Variants in ARL15 observed in about 807,000 individuals in gnomAD.
The protein encoded by ARL15 is ADP-ribosylation factor-like protein 15.
ARL15 carries 19 observed loss-of-function variants against 25.2 expected under a neutral mutation model. That is an observed-to-expected ratio of 0.75 (90% CI 0.53 to 1.10). The LOEUF (loss-of-function observed/expected upper bound fraction) is 1.10. Among genes scored for constraint, ARL15 ranks in the 50% least tolerant of loss-of-function variants. The probability of loss-of-function intolerance (pLI) is 0.00; values close to 1 mark genes in which losing one functional copy is unlikely to be tolerated. For synonymous variants in ARL15, 94 were observed against 86.8 expected (o/e 1.08, Z -0.46); for missense variants, 220 against 246.0 (o/e 0.89, Z 0.71).
chr5:54,001,920 C>G (rs752501667), intron 4 of ARL15, among the ~76,000 whole-genome samples: 20 of 152,170 alleles, frequency 1.3e-4, no homozygotes, highest in Non-Finnish European at 2.2e-4. Context: ...CCATTTTAGG[C>G]TCTTTATAAT....
intron 4 of ARL15, among the ~76,000 whole-genome samples, chr5:54,023,260 T>A (rs1312193562): frequency 6.6e-6 from 1 of 150,986 alleles, no homozygotes; most frequent in Non-Finnish European, 1.5e-5. Flanking sequence ...GGATGTACAG[T>A]GTAATACCTA....
At chr5:53,942,341 T>C (rs1746563190) in intron 4 of ARL15, among the ~76,000 whole-genome samples, 1 of 152,092 alleles carries the variant, frequency 6.6e-6, no homozygotes, top group African/African-American at 2.4e-5. Flanking sequence ...GACATACCAG[T>C]GGCACTAGAA....
intron 4 of ARL15, among the ~76,000 whole-genome samples, chr5:53,950,816 T>C (rs1398002983): frequency 6.6e-6 from 1 of 152,206 alleles, no homozygotes; most frequent in Non-Finnish European, 1.5e-5. Context: ...TGCTCTAAGG[T>C]ATTTCTTGAA....
At position 54,082,483 on chromosome 5, in the gene ARL15, T is replaced by C. The variant is rs186276758; in HGVS notation, c.462+30719A>G. ...TGTGTGTATAGACAGATACTCACAT[T>C]TGGAAGGAAAAAATCCTGGTAACAT... On this transcript the variant is annotated intron_variant, in intron 4 of 4. Transcript: ENST00000504924. Among the ~76,000 whole-genome samples the C allele has an allele frequency of 3.9e-5, 6 of 152,298 alleles. No individual in the cohort carries two copies. In the East Asian group the frequency reaches 1.2e-3, roughly 29 times the overall value.
At chr5:54,141,090 G>A (rs1380449197) in intron 3 of ARL15, among the ~76,000 whole-genome samples, 1 of 152,042 alleles carries the variant, frequency 6.6e-6, no homozygotes, top group East Asian at 1.9e-4. Context: ...ACTACGGCAT[G>A]AACCACAACT....
intron 4 of ARL15, among the ~76,000 whole-genome samples, chr5:54,054,983 G>T (rs1246826725): frequency 6.6e-6 from 1 of 151,920 alleles, no homozygotes; most frequent in Non-Finnish European, 1.5e-5. Context: ...TTTTTAAAAA[G>T]GCATGTTGTG....
chr5:54,282,593 C>T, intron 1 of ARL15: 1 of 974,780 alleles, frequency 1.0e-6, no homozygotes, highest in Non-Finnish European at 1.2e-6. Flanking sequence ...AGGAGTGTAA[C>T]TTATTGTAAT....
chr5:53,978,002 A>G, intron 4 of ARL15, among the ~76,000 whole-genome samples: 1 of 152,228 alleles, frequency 6.6e-6, no homozygotes, highest in East Asian at 1.9e-4. Flanking sequence ...CATTAGCACA[A>G]AACCATCTAA....
intron 3 of ARL15, among the ~76,000 whole-genome samples, chr5:54,143,013 A>G (rs1753813939): frequency 6.6e-6 from 1 of 152,230 alleles, no homozygotes; most frequent in Non-Finnish European, 1.5e-5. Flanking sequence ...TTTACTGGAT[A>G]TTAACCAGAA....
At chr5:54,071,813 A>T (rs927695471) in intron 4 of ARL15, among the ~76,000 whole-genome samples, 3 of 151,746 alleles carry the variant, frequency 2.0e-5, no homozygotes, top group Non-Finnish European at 2.9e-5. Context: ...CTACTAAAAG[A>T]TACAAAAAAA....
chr5:54,245,430 A>G (rs995212259), intron 1 of ARL15, among the ~76,000 whole-genome samples: 1 of 152,184 alleles, frequency 6.6e-6, no homozygotes, highest in African/African-American at 2.4e-5. Context: ...CTCTTAAAAG[A>G]GACAATCTGA....
At chr5:53,940,528 A>G (rs1561158327) in intron 4 of ARL15, among the ~76,000 whole-genome samples, 2 of 152,216 alleles carry the variant, frequency 1.3e-5, no homozygotes, top group Non-Finnish European at 2.9e-5. Context: ...TTTTTCCTCA[A>G]TATAACATGG....
At chr5:54,261,068 G>A (rs1455275837) in intron 1 of ARL15, among the ~76,000 whole-genome samples, 1 of 152,188 alleles carries the variant, frequency 6.6e-6, no homozygotes, top group Non-Finnish European at 1.5e-5. Flanking sequence ...TGAGGAATGA[G>A]GGGCTGCAAG....
intron 1 of ARL15, among the ~76,000 whole-genome samples, chr5:54,257,760 A>G: frequency 6.6e-6 from 1 of 152,224 alleles, no homozygotes; most frequent in East Asian, 1.9e-4. Context: ...TACCACCTGC[A>G]TCTATTCCAA....
At position 54,154,581 on chromosome 5, in the gene ARL15, T is replaced by A; in HGVS notation, c.252A>T (p.Gly84=). The part of the protein sequence containing the change: ...QNAILNVKEL[G]GADNIRKYWS... ...TAGAAATGATTTGAAATGTTATACC[T>A]CCAAGTTCTTTTACATTCAAGATGG... The change falls in exon 3 of 5, where the codon GGA becomes GGT. Residue 84 remains glycine, a splice_region_variant and synonymous_variant. Coordinates refer to ENST00000504924, the MANE Select transcript of ARL15 (RefSeq NM_019087.3). 1 of 1,523,774 alleles carries A rather than the reference T, an allele frequency of 6.6e-7. No individual in the cohort carries two copies. The highest frequency in any genetic ancestry group is 8.8e-7 in the Non-Finnish European group (1 of 1,135,170). The allele number at this position is 1,523,774 out of a possible 1,614,324, so 94.4% of individuals were successfully genotyped here.
intron 4 of ARL15, among the ~76,000 whole-genome samples, chr5:53,979,210 G>C (rs1748040867): frequency 6.6e-6 from 1 of 152,012 alleles, no homozygotes; most frequent in Admixed American, 6.6e-5. Context: ...TCACTTCTTA[G>C]GTACCTGGTC....
intron 4 of ARL15, among the ~76,000 whole-genome samples, chr5:53,991,299 T>C (rs985430070): frequency 2.0e-5 from 3 of 152,020 alleles, no homozygotes; most frequent in African/African-American, 7.3e-5. Flanking sequence ...CCCAGCACTT[T>C]GGGAGGCCGA....
chr5:54,276,077 A>T (rs1757922078), intron 1 of ARL15, among the ~76,000 whole-genome samples: 1 of 151,986 alleles, frequency 6.6e-6, no homozygotes, highest in Non-Finnish European at 1.5e-5. Context: ...TTATATGAGA[A>T]ACTTATTCTG....
At chr5:53,891,280 TGAAA>T (rs1469664517) in intron 4 of ARL15, among the ~76,000 whole-genome samples, 2 of 152,178 alleles carry the variant, frequency 1.3e-5, no homozygotes, top group Non-Finnish European at 2.9e-5. Context: ...TGTTTGTGTG[TGAAA>T]GAGAGTCATG....
Sources: allele counts gnomAD v4.1 joint callset (sites outside exome capture counted in the v4.1 genomes callset), GRCh38; gene constraint gnomAD v4.1.1; transcripts MANE v1.5; gene names NCBI Gene and HGNC (gene_info 2026-07-23, HGNC 2026-07-21).